The following BCL2L13 variants were observed in gnomAD, a reference collection of about 807,000 sequenced individuals.
BCL2L13 encodes the protein bcl-2-like protein 13.
Under a neutral mutation model 25.8 loss-of-function variants are expected in BCL2L13, and 13 were observed. The observed-to-expected ratio is 0.50, with a 90% CI of 0.33 to 0.80. The LOEUF is 0.80. Among genes scored for constraint, BCL2L13 ranks in the 30% least tolerant of loss-of-function variants. The pLI is 0.02. For missense variants in BCL2L13, 504 were observed against 574.9 expected (o/e 0.88, Z 1.26); for synonymous variants, 244 against 230.3 (o/e 1.06, Z -0.54).
chr22:17,666,876 C>CG (rs1568947418), intron 2 of BCL2L13, among the ~76,000 whole-genome samples: 2 of 151,644 alleles, frequency 1.3e-5, no homozygotes, highest in African/African-American at 4.8e-5. Flanking sequence ...TTAGTAGAGA[C>CG]GGGGTTTCAC....
intron 6 of BCL2L13, among the ~76,000 whole-genome samples, chr22:17,715,141 TATATATATATATATATATATATATATA>T (rs1569007445): frequency 0.11 from 761 of 6,924 alleles, 45 homozygotes; most frequent in East Asian, 0.16. Context: ...TATATATATA[TATATATATATATATATATATATATATA>T]TATTTTTTTT....
At chr22:17,667,167 G>A (rs139617486) in intron 2 of BCL2L13, among the ~76,000 whole-genome samples, 2,899 of 152,106 alleles carry the variant, frequency 0.019, 83 homozygotes, top group African/African-American at 0.067. Context: ...GGGATTGCTG[G>A]ATCATATGGT....
At chr22:17,642,044 C>T (rs1031130530) in intron 1 of BCL2L13, among the ~76,000 whole-genome samples, 4 of 151,800 alleles carry the variant, frequency 2.6e-5, no homozygotes, top group Admixed American at 1.3e-4. Flanking sequence ...TATTATCTGC[C>T]CATGTCGGCC....
At chr22:17,652,447 C>T (rs940420080) in intron 1 of BCL2L13, among the ~76,000 whole-genome samples, 2 of 151,894 alleles carry the variant, frequency 1.3e-5, no homozygotes, top group African/African-American at 4.8e-5. Flanking sequence ...TATCAAATTT[C>T]TTTTTTTTGA....
intron 5 of BCL2L13, 124 bp downstream of exon 5, chr22:17,696,334 T>C (rs12160637): frequency 0.094 from 77,109 of 819,672 alleles, 4,135 homozygotes; most frequent in Non-Finnish European, 0.11. Context: ...CAAATCTATG[T>C]TAAGGGGATA....
At chr22:17,664,367 C>A (rs1601572229) in intron 2 of BCL2L13, among the ~76,000 whole-genome samples, 1 of 152,192 alleles carries the variant, frequency 6.6e-6, no homozygotes, top group Admixed American at 6.5e-5. Flanking sequence ...GGTGGGTTCC[C>A]ATGGCCTTGG....
intron 3 of BCL2L13, among the ~76,000 whole-genome samples, chr22:17,687,431 T>TC (rs1216858169): frequency 3.3e-5 from 5 of 152,326 alleles, no homozygotes; most frequent in African/African-American, 1.2e-4. Flanking sequence ...AGTCTTGACT[T>TC]CCTGGACTCA....
chr22:17,691,424 A>G (rs568140518), intron 4 of BCL2L13, among the ~76,000 whole-genome samples: 61 of 152,290 alleles, frequency 4.0e-4, no homozygotes, highest in African/African-American at 1.5e-3. Flanking sequence ...AGGCGGGCGT[A>G]TCACGAGGTC....
chr22:17,689,076 T>A lies in BCL2L13; in HGVS notation c.320T>A (p.Leu107His). ...ESSMEDCLAH[L>H]GEKVSQELKE... ...TCAATGGAAGACTGCTTGGCCCATC[T>A]TGGAGAAAAAGTGTCCCAGGAACTG... The change falls in exon 4 of 7, where the codon CTT becomes CAT. Residue 107 changes from leucine (L) to histidine (H), a missense_variant. By Grantham distance (99) the Leu-to-His change is moderately conservative. Coordinates refer to ENST00000317582, the MANE Select transcript of BCL2L13 (RefSeq NM_015367.4). The A allele has an allele frequency of 1.2e-6, 2 of 1,614,202 alleles. No individual in the cohort carries two copies. The highest frequency in any genetic ancestry group is 1.7e-6 in the Non-Finnish European group (2 of 1,180,008).
At chr22:17,634,111 TG>T (rs1043937256), upstream of BCL2L13, among the ~76,000 whole-genome samples, 33 of 152,182 alleles carry the variant, frequency 2.2e-4, no homozygotes, top group African/African-American at 7.7e-4. Context: ...GAGCTTATCC[TG>T]GTCACTCTCT....
chr22:17,722,170 A>G (rs2061156729), intron 6 of BCL2L13, among the ~76,000 whole-genome samples: 1 of 152,116 alleles, frequency 6.6e-6, no homozygotes. Flanking sequence ...TTTGCCACAA[A>G]TCATGTGACC....
intron 4 of BCL2L13, among the ~76,000 whole-genome samples, chr22:17,693,378 T>G (rs868154932): frequency 0.06 from 5,222 of 86,880 alleles, 191 homozygotes; most frequent in African/African-American, 0.089. Context: ...GTTTGTTTTT[T>G]TTTTTTTTTT....
chr22:17,726,745 C>G lies in BCL2L13; in HGVS notation c.669C>G (p.Asp223Glu). 1 of 1,614,190 alleles carries G rather than the reference C, an allele frequency of 6.2e-7. No homozygotes were observed. The highest frequency in any genetic ancestry group is 8.5e-7 in the Non-Finnish European group (1 of 1,180,026). Residue 223 changes from aspartate (D) to glutamate (E), a missense_variant, in exon 7 of 7, where the codon GAC (aspartate) becomes GAG (glutamate). Physicochemically the swap from Asp to Glu is conservative, Grantham distance 45 (BLOSUM62 2). Transcript: ENST00000317582. ...GAATCACTGCAGAAGATAGCAATGA[C>G]ATTTACATCCTGCCCAGCGACAACT... The part of the protein sequence containing the change: ...YPGITAEDSN[D>E]IYILPSDNSG...
At chr22:17,645,637 A>G (rs2146423460) in intron 1 of BCL2L13, among the ~76,000 whole-genome samples, 1 of 151,770 alleles carries the variant, frequency 6.6e-6, no homozygotes, top group Non-Finnish European at 1.5e-5. Flanking sequence ...TGGTACTTGT[A>G]ATAGAAATCT....
At chr22:17,722,948 T>C (rs1294591816) in intron 6 of BCL2L13, among the ~76,000 whole-genome samples, 1 of 152,232 alleles carries the variant, frequency 6.6e-6, no homozygotes, top group East Asian at 1.9e-4. Context: ...GTACTTCTTT[T>C]TTAATAGTAG....
chr22:17,689,004 T>A lies in BCL2L13; in HGVS notation c.248T>A (p.Phe83Tyr). ...EISEAFTSTG[F>Y]DRHTSPVFSP... ...TCTTCAGCCTTCACCAGCACAGGCT[T>A]TGACCGTCACACTTCTCCAGTGTTC... Residue 83 changes from phenylalanine to tyrosine, a missense_variant, in exon 4 of 7, where the codon TTT (phenylalanine) becomes TAT (tyrosine). Phe to Tyr is a conservative substitution (Grantham distance 22). Transcript: ENST00000317582. 1 of 1,613,974 alleles carries A rather than the reference T, an allele frequency of 6.2e-7. No homozygotes were observed. The highest frequency in any genetic ancestry group is 8.5e-7 in the Non-Finnish European group (1 of 1,179,920).
chr22:17,631,676 A>ATGTG (rs1568903634), intron 1 of BCL2L13, among the ~76,000 whole-genome samples: 23 of 15,814 alleles, frequency 1.5e-3, no homozygotes, highest in African/African-American at 4.7e-3. Context: ...GTGTGTATAT[A>ATGTG]TATATATATA....
chr22:17,724,184 G>T (rs1437009263), intron 6 of BCL2L13, among the ~76,000 whole-genome samples: 1 of 152,034 alleles, frequency 6.6e-6, no homozygotes, highest in Non-Finnish European at 1.5e-5. Context: ...GAGGCTAGAG[G>T]ATCCCTTGGG....
rs372300381 is a variant in BCL2L13 at position 17,696,134 on chromosome 22, T to C, written c.387-7T>C. On this transcript the variant is annotated splice_polypyrimidine_tract_variant and splice_region_variant and intron_variant, in intron 4 of 6. Transcript: ENST00000317582. ...TGTGACACAGACTTTTAAAAAAATCTCTACAGGCCAGTGACATATCAGGCA... is the reference window on the plus strand; with the variant it reads ...TGTGACACAGACTTTTAAAAAAATCCCTACAGGCCAGTGACATATCAGGCA... 1.2e-6 allele frequency: 2 copies of C among 1,611,140 alleles called. No individual in the cohort carries two copies. Among genetic ancestry groups the C allele is most frequent in the Non-Finnish European group, 1.7e-6 (2 of 1,177,554 alleles).
Sources: allele counts gnomAD v4.1 joint callset (sites outside exome capture counted in the v4.1 genomes callset), GRCh38; gene constraint gnomAD v4.1.1; transcripts MANE v1.5; gene names NCBI Gene and HGNC (gene_info 2026-07-23, HGNC 2026-07-21).